Variants in HS6ST3 observed in about 807,000 individuals in gnomAD.
HS6ST3 encodes heparan-sulfate 6-O-sulfotransferase 3.
HS6ST3 carries 12 observed loss-of-function variants against 36.7 expected under a neutral mutation model. That is an observed-to-expected ratio of 0.33 (90% CI 0.21 to 0.53). HS6ST3 has a LOEUF of 0.53. HS6ST3 is among the 20% of genes least tolerant of loss of function. The pLI is 0.95. For synonymous variants in HS6ST3, 240 were observed against 257.5 expected, an observed-to-expected ratio of 0.93 and a Z score of 0.65; for missense variants, 584 against 640.9, an observed-to-expected ratio of 0.91 and a Z score of 0.96.
intron 1 of HS6ST3, among the ~76,000 whole-genome samples, chr13:96,575,510 C>G (rs2056317253): frequency 6.6e-6 from 1 of 152,186 alleles, no homozygotes; most frequent in African/African-American, 2.4e-5. Flanking sequence ...GACCAGTAAG[C>G]AGGGGAGTCC....
chr13:96,313,207 G>A (rs1300738615), intron 1 of HS6ST3, among the ~76,000 whole-genome samples: 1 of 151,766 alleles, frequency 6.6e-6, no homozygotes, highest in Admixed American at 6.6e-5. Context: ...TTGGATTCTT[G>A]CTCTTGCTTT....
At chr13:96,413,588 A>G (rs559607948) in intron 1 of HS6ST3, among the ~76,000 whole-genome samples, 1 of 152,340 alleles carries the variant, frequency 6.6e-6, no homozygotes, top group Non-Finnish European at 1.5e-5. Flanking sequence ...TCACTATTCA[A>G]TTTCAACAGC....
At chr13:96,355,018 C>CATT (rs34890624) in intron 1 of HS6ST3, among the ~76,000 whole-genome samples, 2,171 of 152,172 alleles carry the variant, frequency 0.014, 25 homozygotes, top group East Asian at 0.055. Context: ...AACTAACCAG[C>CATT]ATTAGAATGT....
intron 1 of HS6ST3, among the ~76,000 whole-genome samples, chr13:96,792,795 A>C (rs1450748016): frequency 1.3e-5 from 2 of 152,008 alleles, no homozygotes; most frequent in Non-Finnish European, 2.9e-5. Context: ...TGGCAGTTTG[A>C]CTAGAAAATT....
intron 1 of HS6ST3, among the ~76,000 whole-genome samples, chr13:96,294,220 G>A (rs1205289923): frequency 1.3e-5 from 2 of 152,062 alleles, no homozygotes; most frequent in Non-Finnish European, 2.9e-5. Context: ...TTAGGAAACC[G>A]ATATTATGGT....
At chr13:96,752,803 G>A (rs1876732049) in intron 1 of HS6ST3, among the ~76,000 whole-genome samples, 1 of 152,100 alleles carries the variant, frequency 6.6e-6, no homozygotes, top group African/African-American at 2.4e-5. Flanking sequence ...GTGATGAAAT[G>A]TATCTATTAA....
At chr13:96,694,196 G>T (rs567535664) in intron 1 of HS6ST3, among the ~76,000 whole-genome samples, 6 of 152,086 alleles carry the variant, frequency 3.9e-5, no homozygotes, top group Admixed American at 3.9e-4. Flanking sequence ...AAAGGCCCCA[G>T]TGTGTGTTGT....
intron 1 of HS6ST3, among the ~76,000 whole-genome samples, chr13:96,441,944 T>C (rs1333236823): frequency 6.6e-6 from 1 of 151,698 alleles, no homozygotes; most frequent in African/African-American, 2.4e-5. Flanking sequence ...TTTGTAATCA[T>C]ATAGGAAAAT....
chr13:96,285,188 CA>C (rs1441510337), intron 1 of HS6ST3, among the ~76,000 whole-genome samples: 1 of 151,986 alleles, frequency 6.6e-6, no homozygotes, highest in East Asian at 1.9e-4. Flanking sequence ...AGCACCTCTT[CA>C]GTGTGATTCA....
At chr13:96,535,483 G>C (rs1255924263) in intron 1 of HS6ST3, among the ~76,000 whole-genome samples, 1 of 149,230 alleles carries the variant, frequency 6.7e-6, no homozygotes, top group East Asian at 2.0e-4. Flanking sequence ...TCTTGAACCC[G>C]GGAGATGGAG....
At chr13:96,586,992 A>C (rs1430667356) in intron 1 of HS6ST3, among the ~76,000 whole-genome samples, 1 of 152,120 alleles carries the variant, frequency 6.6e-6, no homozygotes, top group Non-Finnish European at 1.5e-5. Context: ...TAAGGGTCTA[A>C]TATCATTTTT....
chr13:96,201,253 A>T (rs545083766), intron 1 of HS6ST3, among the ~76,000 whole-genome samples: 26 of 152,272 alleles, frequency 1.7e-4, no homozygotes, highest in African/African-American at 6.0e-4. Flanking sequence ...GCAAAATGGC[A>T]TCATCAGAAT....
intron 1 of HS6ST3, among the ~76,000 whole-genome samples, chr13:96,788,085 G>A (rs1163695253): frequency 6.6e-6 from 1 of 151,696 alleles, no homozygotes; most frequent in Non-Finnish European, 1.5e-5. Flanking sequence ...CTATTTCTGG[G>A]TTCTATGTTA....
chr13:96,833,052 C>A lies in HS6ST3; in HGVS notation c.1270C>A (p.Gln424Lys). ...CCAGCAGCGCTACCACCACACCAAGCAGCTAGAGCACCAGAGGGACCGCCA... is the reference window on the plus strand; with the variant it reads ...CCAGCAGCGCTACCACCACACCAAGAAGCTAGAGCACCAGAGGGACCGCCA... The part of the protein sequence containing the change: ...LFQQRYHHTK[Q>K]LEHQRDRQKR... Residue 424 changes from glutamine (Q) to lysine (K), a missense_variant, in exon 2 of 2, where the codon CAG becomes AAG. Gln to Lys is a moderately conservative substitution (Grantham distance 53, BLOSUM62 1). Around this residue, in one of 3 missense-constraint regions of HS6ST3, gnomAD observed 360 missense variants for 411.3 expected, o/e 0.88. Coordinates refer to ENST00000376705, the MANE Select transcript of HS6ST3 (RefSeq NM_153456.4). 6.2e-7 allele frequency: 1 copy of A among 1,613,400 alleles called. No homozygotes were observed.
At chr13:96,359,409 A>C (rs996811561) in intron 1 of HS6ST3, among the ~76,000 whole-genome samples, 1 of 152,174 alleles carries the variant, frequency 6.6e-6, no homozygotes, top group Non-Finnish European at 1.5e-5. Flanking sequence ...AGAATGTGGA[A>C]AACTGTCTAC....
chr13:96,510,744 A>C (rs1419861892), intron 1 of HS6ST3, among the ~76,000 whole-genome samples: 1 of 152,036 alleles, frequency 6.6e-6, no homozygotes, highest in South Asian at 2.1e-4. Flanking sequence ...TATTAATTCT[A>C]TTTTATTCCC....
chr13:96,421,504 G>A (rs1418446907), intron 1 of HS6ST3, among the ~76,000 whole-genome samples: 1 of 152,174 alleles, frequency 6.6e-6, no homozygotes, highest in East Asian at 1.9e-4. Flanking sequence ...TCCTGAGCAT[G>A]GTAGGTAGGT....
At chr13:96,455,236 G>A (rs1003531956) in intron 1 of HS6ST3, among the ~76,000 whole-genome samples, 4 of 152,170 alleles carry the variant, frequency 2.6e-5, no homozygotes, top group African/African-American at 7.2e-5. Flanking sequence ...TGTTGTTGTC[G>A]TTGTTTTTAG....
At chr13:96,486,291 T>C (rs1023659659) in intron 1 of HS6ST3, among the ~76,000 whole-genome samples, 3 of 152,140 alleles carry the variant, frequency 2.0e-5, no homozygotes, top group East Asian at 1.9e-4. Flanking sequence ...TGGTTCCAAG[T>C]CTTTGCTATT....
Sources: gnomAD v4.1 joint callset for allele counts (sites outside exome capture counted in the v4.1 genomes callset) on GRCh38, gnomAD v4.1.1 for gene constraint, gnomAD v4.1.1 regional missense constraint, MANE v1.5 for transcripts, NCBI Gene and HGNC (gene_info 2026-07-23, HGNC 2026-07-21) for gene names.